The following FAT4 variants were observed in gnomAD, a reference collection of about 807,000 sequenced individuals.
FAT4 encodes protocadherin Fat 4.
FAT4 carries 84 observed loss-of-function variants against 303.9 expected under a neutral mutation model. The observed-to-expected ratio is 0.28, with a 90% CI of 0.23 to 0.33. The LOEUF is 0.33. Among genes scored for constraint, FAT4 ranks in the 10% least tolerant of loss-of-function variants. FAT4 has a pLI of 1.00. For missense variants in FAT4, 6,005 were observed against 6,146.8 expected (o/e 0.98, Z 0.77); for synonymous variants, 2,307 against 2,298.8 (o/e 1.00, Z -0.10).
chr4:125,416,512 A>T lies in FAT4; in HGVS notation c.6908A>T (p.Asn2303Ile). 6.2e-7 allele frequency: 1 copy of T among 1,614,052 alleles called. No individual in the cohort carries two copies. ...SKLSYVLFGG[N>I]EDNAFTLSAS... ...CTCTCATATGTTCTGTTTGGTGGTA[A>T]TGAAGACAATGCTTTTACTCTCTCA... is the stretch of plus-strand genomic sequence containing the variant. Residue 2303 changes from asparagine (N) to isoleucine (I), a missense_variant, in exon 7 of 18, where the codon AAT (asparagine) becomes ATT (isoleucine). Coordinates refer to ENST00000394329, the MANE Select transcript of FAT4 (RefSeq NM_001291303.3).
intron 10 of FAT4, among the ~76,000 whole-genome samples, chr4:125,461,651 G>A (rs1490767212): frequency 1.3e-5 from 2 of 151,924 alleles, no homozygotes; most frequent in African/African-American, 4.8e-5. Context: ...ATGAAAGAAA[G>A]TAAAACTGTA....
chr4:125,360,968 T>G (rs1732640919), intron 2 of FAT4, among the ~76,000 whole-genome samples: 1 of 147,310 alleles, frequency 6.8e-6, no homozygotes, highest in African/African-American at 2.5e-5. Context: ...TTTATATTTT[T>G]ATTATTATTT....
intron 3 of FAT4, among the ~76,000 whole-genome samples, chr4:125,400,300 C>T (rs1734337387): frequency 6.6e-6 from 1 of 151,908 alleles, no homozygotes; most frequent in Admixed American, 6.6e-5. Context: ...ATAGGAATTA[C>T]AGGAATCACA....
intron 2 of FAT4, among the ~76,000 whole-genome samples, chr4:125,336,348 A>G (rs1490506566): frequency 6.6e-6 from 1 of 152,054 alleles, no homozygotes; most frequent in East Asian, 1.9e-4. Flanking sequence ...GAATTTTTAA[A>G]TTTTAATATA....
intron 2 of FAT4, among the ~76,000 whole-genome samples, chr4:125,353,562 CAG>C (rs2125980023): frequency 6.6e-6 from 1 of 151,630 alleles, no homozygotes; most frequent in African/African-American, 2.4e-5. Flanking sequence ...TCTTTAAAAA[CAG>C]AAATTAATAC....
chr4:125,450,287 C>G lies in FAT4; in HGVS notation c.9277C>G (p.Gln3093Glu). Residue 3093 changes from glutamine to glutamate, a missense_variant, in exon 10 of 18, where the codon CAA becomes GAA. Physicochemically the swap from Gln to Glu is conservative, Grantham distance 29. Transcript: ENST00000394329. ...AAACTACCATACACCTGAATTCTCT[C>G]AAAGCCACATGAGTGCAACCATCCC... ...EENYHTPEFS[Q>E]SHMSATIPES... 6.2e-7 allele frequency: 1 copy of G among 1,614,094 alleles called. No individual in the cohort carries two copies. Among genetic ancestry groups the G allele is most frequent in the South Asian group, 1.1e-5 (1 of 91,080 alleles).
chr4:125,324,883 A>C (rs114545774), intron 2 of FAT4, among the ~76,000 whole-genome samples: 2,262 of 152,250 alleles, frequency 0.015, 53 homozygotes, highest in African/African-American at 0.051. Context: ...TAAATATATA[A>C]CATGTTTATT....
intron 11 of FAT4, 79 bp downstream of exon 11, chr4:125,463,746 A>G (rs759982620): frequency 1.3e-6 from 1 of 774,600 alleles, no homozygotes; most frequent in East Asian, 2.9e-5. Context: ...TATTATGAGT[A>G]TGAAAGACCA....
chr4:125,415,792 A>G lies in FAT4; in HGVS notation c.6829A>G (p.Arg2277Gly). The change falls in exon 6 of 18, where the codon AGA (arginine) becomes GGA (glycine). Residue 2277 changes from arginine (R) to glycine (G), a missense_variant. By Grantham distance (125) the Arg-to-Gly change is moderately radical. Transcript: ENST00000394329. ...NVPENLGTLP[R>G]TILQVVARDD... ...CCCTGAGAATTTAGGGACACTACCC[A>G]GAACAATTCTTCAGGTCAGTATATT... 1 of 1,610,244 alleles carries G rather than the reference A, an allele frequency of 6.2e-7. No individual in the cohort carries two copies. The highest frequency in any genetic ancestry group is 8.5e-7 in the Non-Finnish European group (1 of 1,177,414).
intron 2 of FAT4, among the ~76,000 whole-genome samples, chr4:125,380,245 T>C (rs1476173220): frequency 1.3e-5 from 2 of 152,148 alleles, no homozygotes; most frequent in Non-Finnish European, 2.9e-5. Flanking sequence ...TAAAAAGATA[T>C]AAATCGAAAG....
chr4:125,488,157 G>A (rs1458035178), intron 17 of FAT4, among the ~76,000 whole-genome samples: 1 of 152,200 alleles, frequency 6.6e-6, no homozygotes, highest in Non-Finnish European at 1.5e-5. Context: ...GAGGATGAAA[G>A]TGTACGAAAG....
At chr4:125,343,956 G>T (rs993366807) in intron 2 of FAT4, among the ~76,000 whole-genome samples, 1 of 152,132 alleles carries the variant, frequency 6.6e-6, no homozygotes, top group African/African-American at 2.4e-5. Context: ...TCTAATAGAT[G>T]ATTTGATAAA....
Position 125,451,234 on chromosome 4 carries a change from A to G in FAT4, c.10224A>G (p.Leu3408=), listed in dbSNP as rs761771089. Residue 3408 remains leucine, a synonymous_variant, in exon 10 of 18, where the codon CTA becomes CTG. Transcript: ENST00000394329. ...LDANDPPIFT[L]NIYSVQISEG... ...CAAATGACCCACCCATTTTTACTCT[A>G]AACATCTACAGTGTGCAGATCAGTG... 6.8e-5 allele frequency: 110 copies of G among 1,614,090 alleles called. No individual in the cohort carries two copies. In the Admixed American group the frequency reaches 1.6e-3, roughly 23 times the overall value.
At chr4:125,445,879 T>C (rs17009679) in intron 8 of FAT4, among the ~76,000 whole-genome samples, 3,238 of 152,258 alleles carry the variant, frequency 0.021, 123 homozygotes, top group African/African-American at 0.075. Context: ...TCTTCTCTGG[T>C]TTATTATGGT....
At chr4:125,365,106 G>A (rs1211134694) in intron 2 of FAT4, among the ~76,000 whole-genome samples, 1 of 152,144 alleles carries the variant, frequency 6.6e-6, no homozygotes, top group African/African-American at 2.4e-5. Context: ...AAGAACCAAG[G>A]AAGATGGCTT....
chr4:125,375,351 T>C (rs1008916403), intron 2 of FAT4, among the ~76,000 whole-genome samples: 4 of 152,252 alleles, frequency 2.6e-5, no homozygotes, highest in Admixed American at 2.6e-4. Context: ...TATGTTTGGC[T>C]GAGGCAGTTA....
chr4:125,353,861 C>T (rs1453485753), intron 2 of FAT4, among the ~76,000 whole-genome samples: 2 of 151,496 alleles, frequency 1.3e-5, no homozygotes, highest in Non-Finnish European at 3.0e-5. Context: ...TGAGAATTTG[C>T]AAAGCCATAA....
At chr4:125,325,108 T>A (rs1447586049) in intron 2 of FAT4, among the ~76,000 whole-genome samples, 2 of 152,122 alleles carry the variant, frequency 1.3e-5, no homozygotes, top group Admixed American at 1.3e-4. Context: ...AGAGAAATAG[T>A]TTGCCTACTG....
intron 10 of FAT4, among the ~76,000 whole-genome samples, chr4:125,453,099 T>G (rs1369372154): frequency 6.6e-6 from 1 of 152,160 alleles, no homozygotes; most frequent in African/African-American, 2.4e-5. Context: ...TTCAGTTACT[T>G]TGCTGTAATG....
Sources: gnomAD v4.1 joint callset for allele counts (sites outside exome capture counted in the v4.1 genomes callset) on GRCh38, gnomAD v4.1.1 for gene constraint, MANE v1.5 for transcripts, NCBI Gene and HGNC (gene_info 2026-07-23, HGNC 2026-07-21) for gene names.